MARCHF10: variants seen among roughly 807,000 people sequenced by gnomAD.
MARCHF10 encodes the protein probable E3 ubiquitin-protein ligase MARCHF10.
In MARCHF10, 64 loss-of-function variants were observed where a neutral mutation model predicts 76.2. The observed-to-expected ratio is 0.84, with a 90% CI of 0.69 to 1.03. The LOEUF (loss-of-function observed/expected upper bound fraction) is 1.03, where lower values mean the gene tolerates loss of function less well. Among genes scored for constraint, MARCHF10 ranks in the 50% least tolerant of loss-of-function variants. MARCHF10 has a pLI of 0.00. For synonymous variants in MARCHF10, 340 were observed against 357.5 expected, an observed-to-expected ratio of 0.95 and a Z score of 0.55; for missense variants, 875 against 958.0, an observed-to-expected ratio of 0.91 and a Z score of 1.14.
intron 6 of MARCHF10, among the ~76,000 whole-genome samples, chr17:62,730,207 C>A (rs1343309928): frequency 6.6e-6 from 1 of 151,592 alleles, no homozygotes; most frequent in Non-Finnish European, 1.5e-5. Context: ...GAAAAAAAAA[C>A]CACACAACAA....
intron 10 of MARCHF10, among the ~76,000 whole-genome samples, chr17:62,702,147 G>A (rs1413744601): frequency 6.6e-6 from 1 of 151,950 alleles, no homozygotes; most frequent in Non-Finnish European, 1.5e-5. Context: ...GGTGTTTCAG[G>A]AGTCTTTCAG....
At chr17:62,791,500 G>A (rs1198428578) in intron 2 of MARCHF10, among the ~76,000 whole-genome samples, 1 of 152,152 alleles carries the variant, frequency 6.6e-6, no homozygotes, top group Non-Finnish European at 1.5e-5. Context: ...TTACCAAAAG[G>A]GGAGGAAGAA....
At chr17:62,771,406 G>A (rs571028037) in intron 3 of MARCHF10, among the ~76,000 whole-genome samples, 4 of 151,900 alleles carry the variant, frequency 2.6e-5, no homozygotes, top group African/African-American at 7.2e-5. Context: ...GGAGGTGGCC[G>A]GGTACTTCAG....
chr17:62,702,227 G>A (rs1358414846), intron 10 of MARCHF10, among the ~76,000 whole-genome samples: 1 of 152,116 alleles, frequency 6.6e-6, no homozygotes, highest in Non-Finnish European at 1.5e-5. Context: ...GAGGCACTGG[G>A]ACGCAGTGCA....
chr17:62,807,472 G>A (rs763559235), intron 1 of MARCHF10, among the ~76,000 whole-genome samples: 10 of 152,296 alleles, frequency 6.6e-5, no homozygotes, highest in Non-Finnish European at 1.0e-4. Context: ...AAGCCCAGAA[G>A]AGAGGAGAAA....
At chr17:62,731,688 A>G (rs951448554) in intron 6 of MARCHF10, among the ~76,000 whole-genome samples, 11 of 152,346 alleles carry the variant, frequency 7.2e-5, no homozygotes, top group African/African-American at 2.6e-4. Context: ...CTGAAGCACA[A>G]TTTGACAATA....
chr17:62,733,586 C>A (rs906871223), intron 6 of MARCHF10, among the ~76,000 whole-genome samples: 1 of 152,182 alleles, frequency 6.6e-6, no homozygotes, highest in African/African-American at 2.4e-5. Context: ...CTCTTCCACT[C>A]CTAGACAAGA....
intron 6 of MARCHF10, among the ~76,000 whole-genome samples, chr17:62,726,848 C>T (rs1461270885): frequency 1.3e-5 from 2 of 151,998 alleles, no homozygotes; most frequent in Non-Finnish European, 2.9e-5. Flanking sequence ...AGGCTGGTCT[C>T]GAACCCTTGA....
intron 5 of MARCHF10, chr17:62,737,595 G>A (rs558381781): frequency 6.5e-6 from 3 of 464,878 alleles, no homozygotes; most frequent in South Asian, 5.4e-5. Flanking sequence ...AGAAGCTCCC[G>A]GAAGACTGGC....
intron 4 of MARCHF10, among the ~76,000 whole-genome samples, chr17:62,749,677 T>C (rs772192121): frequency 6.6e-6 from 1 of 152,216 alleles, no homozygotes; most frequent in Non-Finnish European, 1.5e-5. Flanking sequence ...ATTTTGGAAC[T>C]CAGGGGTGGG....
At chr17:62,722,965 T>A (rs769541836) in intron 7 of MARCHF10, among the ~76,000 whole-genome samples, 13 of 151,764 alleles carry the variant, frequency 8.6e-5, no homozygotes, top group African/African-American at 2.4e-4. Flanking sequence ...TTTTTTTTTT[T>A]ATTGTAGACC....
chr17:62,801,912 T>C (rs1171207892), intron 1 of MARCHF10, among the ~76,000 whole-genome samples, 160 bp from the exon 2 acceptor site: 1 of 152,224 alleles, frequency 6.6e-6, no homozygotes, highest in Non-Finnish European at 1.5e-5. Context: ...ACTTCTTGTG[T>C]TGCTGTTGAT....
At chr17:62,706,930 GT>G (rs1472256884) in intron 9 of MARCHF10, among the ~76,000 whole-genome samples, 1 of 152,198 alleles carries the variant, frequency 6.6e-6, no homozygotes, top group African/African-American at 2.4e-5. Context: ...CAAAGGTGGG[GT>G]AAAGTGAGGC....
At chr17:62,780,820 GT>G (rs1367987014) in intron 3 of MARCHF10, 1 of 152,156 alleles carries the variant, frequency 6.6e-6, no homozygotes, top group Middle Eastern at 3.2e-3. Flanking sequence ...CCCGTGATGT[GT>G]TGCTTTCTAG....
chr17:62,767,699 C>T (rs189307278), intron 3 of MARCHF10, among the ~76,000 whole-genome samples: 159 of 152,240 alleles, frequency 1.0e-3, no homozygotes, highest in Non-Finnish European at 1.5e-3. Flanking sequence ...GATCCACCTG[C>T]CTCAGCCTCC....
intron 3 of MARCHF10, among the ~76,000 whole-genome samples, chr17:62,782,668 T>C (rs2092680539): frequency 1.3e-5 from 2 of 152,016 alleles, no homozygotes; most frequent in South Asian, 2.1e-4. Flanking sequence ...TTAATAAAAA[T>C]TGGGCTAGGG....
At chr17:62,769,149 G>A (rs1276140917) in intron 3 of MARCHF10, among the ~76,000 whole-genome samples, 1 of 152,132 alleles carries the variant, frequency 6.6e-6, no homozygotes, top group Non-Finnish European at 1.5e-5. Context: ...CCTATCAGCA[G>A]GTGCCTTGTT....
chr17:62,742,714 T>C (rs992895898), intron 5 of MARCHF10, among the ~76,000 whole-genome samples: 7 of 147,034 alleles, frequency 4.8e-5, no homozygotes, highest in African/African-American at 1.5e-4. Flanking sequence ...CTTTTTTTTT[T>C]TTGAGAAAGT....
chr17:62,777,754 A>C (rs2092580575), intron 3 of MARCHF10, among the ~76,000 whole-genome samples: 1 of 150,030 alleles, frequency 6.7e-6, no homozygotes, highest in Non-Finnish European at 1.5e-5. Context: ...AGTAGGTATA[A>C]ATATGATTTG....
Sources: allele counts gnomAD v4.1 joint callset (sites outside exome capture counted in the v4.1 genomes callset), GRCh38; gene constraint gnomAD v4.1.1; transcripts MANE v1.5; gene names NCBI Gene and HGNC (gene_info 2026-07-23, HGNC 2026-07-21).